Variants in GRIK1 observed in about 807,000 individuals in gnomAD.
GRIK1 encodes the protein glutamate ionotropic receptor kainate type subunit 1.
Under a neutral mutation model 105.7 loss-of-function variants are expected in GRIK1, and 69 were observed. The observed-to-expected ratio is 0.65, with a 90% CI of 0.54 to 0.80. The LOEUF (loss-of-function observed/expected upper bound fraction) is 0.80, where lower values mean the gene tolerates loss of function less well. Ranked by LOEUF, GRIK1 falls within the 30% of genes least tolerant of loss-of-function variation. GRIK1 has a pLI of 0.00. For synonymous variants in GRIK1, 438 were observed against 431.3 expected, an observed-to-expected ratio of 1.02 and a Z score of -0.19; for missense variants, 1,109 against 1,167.3, an observed-to-expected ratio of 0.95 and a Z score of 0.73.
At chr21:29,741,356 CA>C (rs1407596613) in intron 1 of GRIK1, among the ~76,000 whole-genome samples, 1 of 152,002 alleles carries the variant, frequency 6.6e-6, no homozygotes, top group African/African-American at 2.4e-5. Flanking sequence ...AACATCAATA[CA>C]TTTTTTTTGT....
At chr21:29,831,425 A>T (rs1209741447) in intron 1 of GRIK1, among the ~76,000 whole-genome samples, 1 of 152,184 alleles carries the variant, frequency 6.6e-6, no homozygotes, top group Non-Finnish European at 1.5e-5. Context: ...TCACATTGCT[A>T]TAAAGAACTA....
chr21:29,913,132 C>T (rs1177761147), intron 1 of GRIK1, among the ~76,000 whole-genome samples: 2 of 151,934 alleles, frequency 1.3e-5, no homozygotes, highest in Non-Finnish European at 2.9e-5. Context: ...TCCAAAGCAC[C>T]TGTGTTGCCC....
At chr21:29,602,738 T>C (rs930465005) in intron 7 of GRIK1, among the ~76,000 whole-genome samples, 1 of 152,152 alleles carries the variant, frequency 6.6e-6, no homozygotes, top group African/African-American at 2.4e-5. Flanking sequence ...GAAATGAGCC[T>C]AGGAAGGCAA....
Position 29,869,900 on chromosome 21 carries a change from T to C in GRIK1, c.118+69483A>G, listed in dbSNP as rs541767532. ...TCCCCCCATAACTGAGTATAATTTA[T>C]ATATTTTTATGTAATATAGTGTAAA... is the stretch of plus-strand genomic sequence containing the variant. On this transcript the variant is annotated intron_variant, in intron 1 of 17. Coordinates refer to ENST00000327783, the MANE Select transcript of GRIK1 (RefSeq NM_001330994.2). Among the ~76,000 whole-genome samples the C allele has an allele frequency of 3.0e-4, 46 of 152,346 alleles. No homozygotes were observed. In the South Asian group the frequency reaches 6.4e-3, roughly 21 times the overall value.
At chr21:29,874,153 G>A (rs1300154960) in intron 1 of GRIK1, among the ~76,000 whole-genome samples, 2 of 152,120 alleles carry the variant, frequency 1.3e-5, no homozygotes, top group African/African-American at 4.8e-5. Flanking sequence ...AGGCCACATG[G>A]CCCGTTGTTT....
chr21:29,808,101 A>G (rs902240837), intron 1 of GRIK1, among the ~76,000 whole-genome samples: 2 of 152,166 alleles, frequency 1.3e-5, no homozygotes, highest in African/African-American at 4.8e-5. Flanking sequence ...GAAAAAGGGA[A>G]GGCAGAAGAG....
intron 1 of GRIK1, among the ~76,000 whole-genome samples, chr21:29,699,126 G>A (rs1044253400): frequency 2.0e-5 from 3 of 152,028 alleles, no homozygotes; most frequent in African/African-American, 7.3e-5. Context: ...CTAAACAAAG[G>A]GTATGAGACA....
chr21:29,869,034 T>C (rs2068922167), intron 1 of GRIK1, among the ~76,000 whole-genome samples: 1 of 152,222 alleles, frequency 6.6e-6, no homozygotes, highest in African/African-American at 2.4e-5. Flanking sequence ...TCATCACCTG[T>C]GTGGGCAGCA....
At chr21:29,706,419 T>C (rs1019805604) in intron 1 of GRIK1, among the ~76,000 whole-genome samples, 6 of 152,194 alleles carry the variant, frequency 3.9e-5, no homozygotes, top group African/African-American at 9.7e-5. Flanking sequence ...AAGTGTCTGA[T>C]TGAAACTCTG....
rs374082283 is a variant in GRIK1, at chr21:29,792,174, A to G, written c.119-98111T>C. Reference sequence around the variant, plus strand: ...TGTGTATATGTGTATATGTATGTGTATATGTATATGTGTGGATATATATAC... The same window carrying G: ...TGTGTATATGTGTATATGTATGTGTGTATGTATATGTGTGGATATATATAC... On this transcript the variant is annotated intron_variant, in intron 1 of 17. Transcript: ENST00000327783. Among the ~76,000 whole-genome samples the G allele has an allele frequency of 1.4e-4, 21 of 152,264 alleles. No individual in the cohort carries two copies. In the South Asian group the frequency reaches 2.9e-3, roughly 21 times the overall value.
intron 1 of GRIK1, among the ~76,000 whole-genome samples, chr21:29,835,978 GAC>G (rs1180223109): frequency 4.0e-5 from 6 of 148,416 alleles, no homozygotes; most frequent in African/African-American, 1.5e-4. Context: ...GATGGCAATA[GAC>G]ACACTTTGGT....
intron 15 of GRIK1, among the ~76,000 whole-genome samples, chr21:29,559,491 G>T (rs973922504): frequency 1.3e-5 from 2 of 152,192 alleles, no homozygotes; most frequent in African/African-American, 4.8e-5. Context: ...TTCATCAGTA[G>T]AAGTTATTGG....
At chr21:29,643,578 C>A (rs1269738617) in intron 6 of GRIK1, among the ~76,000 whole-genome samples, 1 of 152,170 alleles carries the variant, frequency 6.6e-6, no homozygotes, top group Non-Finnish European at 1.5e-5. Context: ...CCTCCTCTTG[C>A]CAGCATGTGC....
At chr21:29,578,857 T>C (rs898196602) in intron 13 of GRIK1, among the ~76,000 whole-genome samples, 3 of 152,168 alleles carry the variant, frequency 2.0e-5, no homozygotes, top group African/African-American at 7.2e-5. Context: ...AGCTCTTTAG[T>C]TGGTTATCAT....
chr21:29,866,148 C>A (rs971779860), intron 1 of GRIK1, among the ~76,000 whole-genome samples: 1 of 152,030 alleles, frequency 6.6e-6, no homozygotes, highest in South Asian at 2.1e-4. Flanking sequence ...TTCACTATAA[C>A]CTCAACCTCC....
rs539668465 is a variant in GRIK1 at position 29,589,238 on chromosome 21, G to A, written c.1366-196C>T. 7.2e-5 allele frequency among the ~76,000 whole-genome samples: 11 copies of A among 152,136 alleles called. No homozygotes were observed. The South Asian group carries it at 2.3e-3, about 32-fold the overall frequency. ...ATATTATTGTTTCTTTCCCTTCTGCGTCTTTCGATGGGAGCTTTTCCTTCC... is the reference window on the plus strand; with the variant it reads ...ATATTATTGTTTCTTTCCCTTCTGCATCTTTCGATGGGAGCTTTTCCTTCC... On this transcript the variant is annotated intron_variant, in intron 10 of 17. Coordinates refer to ENST00000327783, the MANE Select transcript of GRIK1 (RefSeq NM_001330994.2).
chr21:29,848,779 A>ATATATATATATATATATATATATATTTTT, intron 1 of GRIK1, among the ~76,000 whole-genome samples: 19 of 77,858 alleles, frequency 2.4e-4, no homozygotes, highest in African/African-American at 1.1e-3. Flanking sequence ...ATATATATAT[A>ATATATATATATATATATATATATATTTTT]TTTTTTTTTT....
chr21:29,626,121 C>A (rs908502674), intron 7 of GRIK1, among the ~76,000 whole-genome samples: 2 of 152,030 alleles, frequency 1.3e-5, no homozygotes, highest in Non-Finnish European at 2.9e-5. Flanking sequence ...ATTTGTTTAT[C>A]ACAGGCTTGG....
chr21:29,823,141 G>C (rs1008964585), intron 1 of GRIK1, among the ~76,000 whole-genome samples: 1 of 151,842 alleles, frequency 6.6e-6, no homozygotes, highest in African/African-American at 2.4e-5. Context: ...TAAAATATGC[G>C]AACATGAGAG....
Sources: gnomAD v4.1 joint callset for allele counts (sites outside exome capture counted in the v4.1 genomes callset) on GRCh38, gnomAD v4.1.1 for gene constraint, MANE v1.5 for transcripts, NCBI Gene and HGNC (gene_info 2026-07-23, HGNC 2026-07-21) for gene names.